POLE4: variants seen among roughly 807,000 people sequenced by gnomAD.
POLE4 encodes the protein DNA polymerase epsilon subunit 4.
POLE4 carries 15 observed loss-of-function variants against 15.6 expected under a neutral mutation model. The observed-to-expected ratio is 0.96, with a 90% CI of 0.64 to 1.48. The LOEUF (loss-of-function observed/expected upper bound fraction) is 1.48, where lower values mean the gene tolerates loss of function less well. POLE4 is among the 40% of genes most tolerant of loss of function. The pLI is 0.00. For synonymous variants in POLE4, 83 were observed against 63.2 expected, an observed-to-expected ratio of 1.31 and a Z score of -1.49; for missense variants, 205 against 151.9, an observed-to-expected ratio of 1.35 and a Z score of -1.84.
At chr2:74,965,522 A>G (rs1671283312) in intron 3 of POLE4, among the ~76,000 whole-genome samples, 1 of 152,200 alleles carries the variant, frequency 6.6e-6, no homozygotes. Context: ...TGGTTATTGT[A>G]TAATTTAGAT....
chr2:74,967,373 G>C (rs1179527405), intron 3 of POLE4, among the ~76,000 whole-genome samples: 1 of 145,510 alleles, frequency 6.9e-6, no homozygotes, highest in Non-Finnish European at 1.5e-5. Flanking sequence ...TGTGAGTTCT[G>C]TTTGGTTCCT....
intron 1 of POLE4, 31 bp from the exon 2 acceptor site, chr2:74,959,310 A>G (rs370238422): frequency 1.4e-6 from 2 of 1,471,470 alleles, no homozygotes; most frequent in East Asian, 4.5e-5. Flanking sequence ...GTTAGAACCC[A>G]TTACTAAAAC....
chr2:74,960,393 G>C (rs972878189), intron 3 of POLE4, among the ~76,000 whole-genome samples: 9 of 152,172 alleles, frequency 5.9e-5, no homozygotes, highest in Admixed American at 5.2e-4. Flanking sequence ...AGATCCCAGT[G>C]GAGTTAGATG....
chr2:74,958,895 G>C lies in POLE4; in HGVS notation c.213+3G>C. ...TCTTCATTCTGGCACGAGCCGCGGT[G>C]CGCCTGCAGCGCGAGGGCATGCGGG... On this transcript the variant is annotated splice_donor_region_variant and intron_variant, in intron 1 of 3. Transcript: ENST00000483063. The C allele has an allele frequency of 1.3e-6, 2 of 1,553,028 alleles. No individual in the cohort carries two copies. Among genetic ancestry groups the C allele is most frequent in the Non-Finnish European group, 1.7e-6 (2 of 1,147,884 alleles).
Position 74,958,881 on chromosome 2 carries a change from G to T in POLE4, c.202G>T (p.Ala68Ser). 1 of 1,556,272 alleles carries T rather than the reference G, an allele frequency of 6.4e-7. No homozygotes were observed. The highest frequency in any genetic ancestry group is 1.2e-5 in the South Asian group (1 of 84,506). The change falls in exon 1 of 4, where the codon GCA becomes TCA. Residue 68 changes from alanine (A) to serine (S), a missense_variant. Ala to Ser is a moderately conservative substitution (Grantham distance 99). Coordinates refer to ENST00000483063, the MANE Select transcript of POLE4 (RefSeq NM_019896.4). ...GGGACAGGAAGCCATCTTCATTCTG[G>T]CACGAGCCGCGGTGCGCCTGCAGCG... ...LAGQEAIFILARAAELFVETI... is the reference protein window; with the variant it reads ...LAGQEAIFILSRAAELFVETI...
At chr2:74,960,261 C>A in intron 3 of POLE4, 115 bp downstream of exon 3, 1 of 881,654 alleles carries the variant, frequency 1.1e-6, no homozygotes, top group Non-Finnish European at 1.9e-6. Context: ...TAATTCTCCG[C>A]ACTTGCTATT....
intron 1 of POLE4, 72 bp downstream of exon 1, chr2:74,958,964 C>T (rs1671170188): frequency 1.4e-6 from 2 of 1,400,284 alleles, no homozygotes; most frequent in East Asian, 2.7e-5. Flanking sequence ...GGGCCTCCCG[C>T]GGGCGGGGCT....
chr2:74,966,605 A>C (rs192896596), intron 3 of POLE4, among the ~76,000 whole-genome samples: 104 of 152,230 alleles, frequency 6.8e-4, no homozygotes, highest in African/African-American at 2.2e-3. Flanking sequence ...GGGTTTCACC[A>C]TGTTGACCAG....
rs1671168633 is a variant in POLE4 at position 74,958,912 on chromosome 2, G to T, written c.213+20G>T. The T allele has an allele frequency of 1.3e-6, 2 of 1,548,232 alleles. No homozygotes were observed. Among genetic ancestry groups the T allele is most frequent in the African/African-American group, 1.4e-5 (1 of 72,944 alleles). On this transcript the variant is annotated intron_variant, in intron 1 of 3. Transcript: ENST00000483063. ...GCCGCGGTGCGCCTGCAGCGCGAGGGCATGCGGGAGTGGGGGAGGTGGAGT... is the reference window on the plus strand; with the variant it reads ...GCCGCGGTGCGCCTGCAGCGCGAGGTCATGCGGGAGTGGGGGAGGTGGAGT...
At position 74,958,678 on chromosome 2, in the gene POLE4, G is replaced by C. The variant is rs745380577; in HGVS notation, c.-2G>C. The C allele has an allele frequency of 3.6e-5, 53 of 1,457,050 alleles. 1 individual carries two copies. Among genetic ancestry groups the C allele is most frequent in the South Asian group, 2.2e-4 (16 of 71,480 alleles). The allele number at this position is 1,457,050 out of a possible 1,614,324, so 90.3% of individuals were successfully genotyped here. On this transcript the variant is annotated 5_prime_UTR_variant, in exon 1 of 4. Coordinates refer to ENST00000483063, the MANE Select transcript of POLE4 (RefSeq NM_019896.4). ...GCCGCGCGCAGCACGCTCAAGGCCG[G>C]GATGGCGGCGGCGGCGGCGGCAGGA...
At chr2:74,966,917 C>CA (rs1553457021) in intron 3 of POLE4, among the ~76,000 whole-genome samples, 1 of 145,884 alleles carries the variant, frequency 6.9e-6, no homozygotes, top group Non-Finnish European at 1.5e-5. Context: ...CATTTTACTG[C>CA]TTTTTTTTTT....
chr2:74,959,264 C>T, intron 1 of POLE4, 77 bp from the exon 2 acceptor site: 1 of 888,162 alleles, frequency 1.1e-6, no homozygotes, highest in Non-Finnish European at 1.8e-6. Flanking sequence ...CCTTTCTGCC[C>T]CCACCCACAA....
intron 3 of POLE4, among the ~76,000 whole-genome samples, chr2:74,964,905 G>A (rs1033033701): frequency 6.6e-6 from 1 of 151,942 alleles, no homozygotes; most frequent in East Asian, 1.9e-4. Flanking sequence ...GTAAGAGCAG[G>A]CATTTTTGAC....
chr2:74,966,280 G>A (rs936125333), intron 3 of POLE4, among the ~76,000 whole-genome samples: 5 of 151,998 alleles, frequency 3.3e-5, no homozygotes, highest in African/African-American at 1.2e-4. Context: ...TAATTTATGT[G>A]CTGTTATTGT....
Position 74,964,287 on chromosome 2 carries a change from T to G in POLE4, c.340+4141T>G, listed in dbSNP as rs141548893. Among the ~76,000 whole-genome samples the G allele has an allele frequency of 2.7e-3, 417 of 152,288 alleles. 2 individuals carry two copies. The highest frequency in any genetic ancestry group is 9.6e-3 in the African/African-American group (398 of 41,564). On this transcript the variant is annotated intron_variant, in intron 3 of 3. Transcript: ENST00000483063. ...TGAGAGAGCAGATCTTCCCACCTTG[T>G]TTTTTTCTAAGTATCTTTGCTATTT...
At chr2:74,966,119 G>C (rs1671292572) in intron 3 of POLE4, among the ~76,000 whole-genome samples, 1 of 151,090 alleles carries the variant, frequency 6.6e-6, no homozygotes, top group Admixed American at 6.6e-5. Context: ...TATCAGCTTG[G>C]AAGTTATATG....
chr2:74,969,773 T>C lies in POLE4; in HGVS notation c.*351T>C. 4.2e-6 allele frequency: 1 copy of C among 239,696 alleles called. No homozygotes were observed. The highest frequency in any genetic ancestry group is 8.2e-6 in the Non-Finnish European group (1 of 121,270). 14.8% of individuals were successfully genotyped at this position (239,696 alleles called of 1,614,324 possible). On this transcript the variant is annotated 3_prime_UTR_variant, in exon 4 of 4. Coordinates refer to ENST00000483063, the MANE Select transcript of POLE4 (RefSeq NM_019896.4). ...TAATCTCGCCTTTGTTCCTACCCTG[T>C]GACTGGAGAGTCACCATACCTGGTC...
chr2:74,962,387 A>G (rs535382872), intron 3 of POLE4, among the ~76,000 whole-genome samples: 21 of 152,278 alleles, frequency 1.4e-4, no homozygotes, highest in African/African-American at 5.1e-4. Flanking sequence ...AAAGCTAATA[A>G]CATTTGTATC....
At chr2:74,969,143 TTAAC>T (rs751297018) in intron 3 of POLE4, among the ~76,000 whole-genome samples, 7 of 152,172 alleles carry the variant, frequency 4.6e-5, no homozygotes, top group Non-Finnish European at 7.3e-5. Flanking sequence ...TCAATGTTCA[TTAAC>T]TAACACAACG....
Sources: gnomAD v4.1 joint callset for allele counts (sites outside exome capture counted in the v4.1 genomes callset) on GRCh38, gnomAD v4.1.1 for gene constraint, MANE v1.5 for transcripts, NCBI Gene and HGNC (gene_info 2026-07-23, HGNC 2026-07-21) for gene names.